LRRC74A: variants seen among roughly 807,000 people sequenced by gnomAD.
LRRC74A encodes the protein leucine-rich repeat-containing protein 74A.
A neutral mutation model predicts 57.9 loss-of-function variants in LRRC74A; 44 were observed. The ratio of observed to expected loss-of-function variants is 0.76; its 90% confidence interval spans 0.60 to 0.98. The LOEUF (loss-of-function observed/expected upper bound fraction) is 0.98, where lower values mean the gene tolerates loss of function less well. LRRC74A is among the 50% of genes least tolerant of loss of function. LRRC74A has a pLI of 0.00. For missense variants in LRRC74A, 572 were observed against 574.0 expected (o/e 1.00, Z 0.04); for synonymous variants, 211 against 219.4 (o/e 0.96, Z 0.34).
intron 9 of LRRC74A, among the ~76,000 whole-genome samples, chr14:76,853,874 T>C (rs1897696609): frequency 6.6e-6 from 1 of 152,106 alleles, no homozygotes; most frequent in African/African-American, 2.4e-5. Flanking sequence ...CACCTCGGCC[T>C]CCGAAAGTGC....
At chr14:76,867,523 C>T (rs1899034082) in intron 13 of LRRC74A, 85 bp downstream of exon 13, 1 of 716,394 alleles carries the variant, frequency 1.4e-6, no homozygotes, top group Non-Finnish European at 2.5e-6. Flanking sequence ...TTCCTGTCTA[C>T]ACTTTATTAC....
rs74248930 is a variant in LRRC74A at position 76,854,335 on chromosome 14, C to T, written c.957+925C>T. ...ATGAAGACTGTGTTTGGGCCAGGTG[C>T]GGTGGCTTATGCCTGTAATCCCAGC... On this transcript the variant is annotated intron_variant, in intron 9 of 13. Transcript: ENST00000689127. Among the ~76,000 whole-genome samples, 9 of 152,342 alleles carry T rather than the reference C, an allele frequency of 5.9e-5. No homozygotes were observed. The East Asian group carries it at 1.5e-3, about 26-fold the overall frequency.
chr14:76,827,531 A>G (rs1203731473), intron 1 of LRRC74A, among the ~76,000 whole-genome samples: 1 of 152,230 alleles, frequency 6.6e-6, no homozygotes, highest in Non-Finnish European at 1.5e-5. Flanking sequence ...CCAGAAGCCC[A>G]TGGCTTTCAG....
intron 5 of LRRC74A, among the ~76,000 whole-genome samples, chr14:76,841,109 T>C (rs2362862): frequency 0.51 from 77,498 of 152,068 alleles, 20,872 homozygotes; most frequent in East Asian, 0.87. Flanking sequence ...TGGTGCCATC[T>C]CAGCTTGTTA....
Position 76,853,245 on chromosome 14 carries a change from C to T in LRRC74A, c.792C>T (p.Leu264=), listed in dbSNP as rs372490854. 1,368 of 1,613,478 alleles carry T rather than the reference C, an allele frequency of 8.5e-4. 1 individual carries two copies. Among genetic ancestry groups the T allele is most frequent in the Non-Finnish European group, 1.0e-3 (1,223 of 1,179,446 alleles). ...RGNVTLTKLD[L]SMNGFGNEVA... is the part of the protein sequence containing the mutation. Reference sequence around the variant, plus strand: ...ATGTGACCCTGACAAAGCTGGATCTCTCCATGAATGGCTTTGGGAATGAGG... The same window carrying T: ...ATGTGACCCTGACAAAGCTGGATCTTTCCATGAATGGCTTTGGGAATGAGG... Residue 264 remains leucine, a synonymous_variant, in exon 9 of 14, where the codon CTC becomes CTT. Transcript: ENST00000689127.
intron 13 of LRRC74A, among the ~76,000 whole-genome samples, chr14:76,868,856 C>T (rs1899179679): frequency 6.6e-6 from 1 of 152,376 alleles, no homozygotes; most frequent in Non-Finnish European, 1.5e-5. Flanking sequence ...TGCGGCTGTG[C>T]GCGGATCTCC....
At chr14:76,827,407 A>G (rs910454336) in intron 1 of LRRC74A, among the ~76,000 whole-genome samples, 1 of 152,186 alleles carries the variant, frequency 6.6e-6, no homozygotes, top group Non-Finnish European at 1.5e-5. Context: ...CAGCCCACCC[A>G]ATGAGTAGGT....
intron 11 of LRRC74A, 143 bp from the exon 12 acceptor site, chr14:76,865,825 C>T (rs189427838): frequency 1.9e-4 from 120 of 639,032 alleles, no homozygotes; most frequent in East Asian, 1.7e-3. Flanking sequence ...CCGGGAGACG[C>T]AGGCTCCTCA....
In LRRC74A at chr14:76,857,424, C is replaced by G. The variant is rs908285782; in HGVS notation, c.1002C>G (p.Ile334Met). 3.8e-6 allele frequency: 6 copies of G among 1,587,486 alleles called. No homozygotes were observed. The highest frequency in any genetic ancestry group is 5.1e-6 in the Non-Finnish European group (6 of 1,165,422). The change falls in exon 10 of 14, where the codon ATC becomes ATG. Residue 334 changes from isoleucine (I) to methionine (M), a missense_variant. By Grantham distance (10) the Ile-to-Met change is conservative. Coordinates refer to ENST00000689127, the MANE Select transcript of LRRC74A (RefSeq NM_001385106.1). The stretch of plus-strand genomic sequence containing the variant: ...ATATGGATGGGGCTATTTTACTTAT[C>G]CTGGCTATCAAGAGGAACCCCAAAT... ...PINMDGAILL[I>M]LAIKRNPKSR...
At chr14:76,851,546 C>T (rs13379179) in intron 7 of LRRC74A, among the ~76,000 whole-genome samples, 52 of 151,870 alleles carry the variant, frequency 3.4e-4, no homozygotes, top group African/African-American at 1.1e-3. Flanking sequence ...TTAGTAGAGA[C>T]GGGGTTTCAT....
chr14:76,833,495 G>A (rs1034531842), intron 3 of LRRC74A, among the ~76,000 whole-genome samples: 2 of 134,538 alleles, frequency 1.5e-5, no homozygotes, highest in African/African-American at 2.8e-5. Flanking sequence ...AGGCTGGAGT[G>A]CAGGGTCATG....
At chr14:76,828,485 CA>C in intron 2 of LRRC74A, 66 bp downstream of exon 2, 1 of 1,605,412 alleles carries the variant, frequency 6.2e-7, no homozygotes, top group South Asian at 1.1e-5. Context: ...ATCTGGTTTC[CA>C]GGAGCTGTCA....
In LRRC74A at chr14:76,844,406, C is replaced by G; in HGVS notation, c.545-17C>G. On this transcript the variant is annotated splice_polypyrimidine_tract_variant and intron_variant, in intron 5 of 13. Transcript: ENST00000689127. ...ATGGTCTAGCAGTGCATCACTGACA[C>G]ACCACCCTCACTACAGGAAATGACT... 1 of 1,611,104 alleles carries G rather than the reference C, an allele frequency of 6.2e-7. No homozygotes were observed. Among genetic ancestry groups the G allele is most frequent in the Non-Finnish European group, 8.5e-7 (1 of 1,178,588 alleles).
chr14:76,836,113 C>T (rs1462933114), intron 3 of LRRC74A, 94 bp from the exon 4 acceptor site: 6 of 872,686 alleles, frequency 6.9e-6, no homozygotes, highest in East Asian at 2.6e-5. Flanking sequence ...TGCATCTCCA[C>T]GCCCATTCAC....
intron 3 of LRRC74A, among the ~76,000 whole-genome samples, chr14:76,835,350 G>A (rs548307670): frequency 6.6e-6 from 1 of 152,182 alleles, no homozygotes; most frequent in African/African-American, 2.4e-5. Flanking sequence ...GCCAGGTGTG[G>A]TGGTGGGCAC....
chr14:76,844,389 G>C (rs372166663), intron 5 of LRRC74A, 34 bp from the exon 6 acceptor site: 59 of 1,598,506 alleles, frequency 3.7e-5, no homozygotes, highest in Non-Finnish European at 5.0e-5. Context: ...CCATGGTCTA[G>C]CAGTGCATCA....
rs766035309 is a variant in LRRC74A at position 76,853,203 on chromosome 14, C to T, written c.763-13C>T. ...AACCTTGATGCTGGTGCTGTTCTCC[C>T]CTCTTCCTGGAGGGTAATGTGACCC... On this transcript the variant is annotated splice_polypyrimidine_tract_variant and intron_variant, in intron 8 of 13. Transcript: ENST00000689127. The T allele has an allele frequency of 6.3e-7, 1 of 1,598,088 alleles. No homozygotes were observed. The highest frequency in any genetic ancestry group is 1.7e-5 in the Admixed American group (1 of 59,710).
intron 7 of LRRC74A, among the ~76,000 whole-genome samples, chr14:76,847,736 C>T (rs990554621): frequency 7.3e-5 from 11 of 150,978 alleles, no homozygotes; most frequent in Non-Finnish European, 1.6e-4. Flanking sequence ...GTTATGGAAA[C>T]CCAAATGGAG....
At chr14:76,842,787 C>T (rs1301069482) in intron 5 of LRRC74A, among the ~76,000 whole-genome samples, 1 of 152,138 alleles carries the variant, frequency 6.6e-6, no homozygotes, top group Non-Finnish European at 1.5e-5. Context: ...GGCTCTATGT[C>T]ATGTACTTCC....
Sources: gnomAD v4.1 joint callset for allele counts (sites outside exome capture counted in the v4.1 genomes callset) on GRCh38, gnomAD v4.1.1 for gene constraint, MANE v1.5 for transcripts, NCBI Gene and HGNC (gene_info 2026-07-23, HGNC 2026-07-21) for gene names.